Variants in BMP6 observed in about 807,000 individuals in gnomAD.
BMP6 encodes the protein VG-1-R.
In BMP6, 17 loss-of-function variants were observed where a neutral mutation model predicts 54.1. The ratio of observed to expected loss-of-function variants is 0.31; its 90% confidence interval spans 0.22 to 0.47. BMP6 has a LOEUF of 0.47. Among genes scored for constraint, BMP6 ranks in the 20% least tolerant of loss-of-function variants. BMP6 has a pLI of 1.00. For missense variants in BMP6, 720 were observed against 690.4 expected, an observed-to-expected ratio of 1.04 and a Z score of -0.48; for synonymous variants, 328 against 291.2, an observed-to-expected ratio of 1.13 and a Z score of -1.28.
At chr6:7,749,765 T>A (rs1412128907) in intron 1 of BMP6, among the ~76,000 whole-genome samples, 1 of 152,210 alleles carries the variant, frequency 6.6e-6, no homozygotes, top group Non-Finnish European at 1.5e-5. Context: ...ACTACCAGGT[T>A]TGACTTGACA....
At chr6:7,870,500 G>T (rs964872100) in intron 4 of BMP6, among the ~76,000 whole-genome samples, 4 of 152,196 alleles carry the variant, frequency 2.6e-5, no homozygotes, top group African/African-American at 9.7e-5. Context: ...GCCCAACTCT[G>T]TTCTCCTTCT....
At chr6:7,844,572 A>T (rs1759029979) in intron 1 of BMP6, among the ~76,000 whole-genome samples, 2 of 152,050 alleles carry the variant, frequency 1.3e-5, no homozygotes, top group African/African-American at 4.8e-5. Context: ...AAGACCCTTT[A>T]CACTTCAGGC....
At chr6:7,780,288 A>G (rs1198408602) in intron 1 of BMP6, among the ~76,000 whole-genome samples, 1 of 151,942 alleles carries the variant, frequency 6.6e-6, no homozygotes, top group Non-Finnish European at 1.5e-5. Context: ...TGGCTCATGC[A>G]TGTAATCCCA....
intron 1 of BMP6, among the ~76,000 whole-genome samples, chr6:7,774,741 C>G (rs966218591): frequency 6.6e-6 from 1 of 152,218 alleles, no homozygotes; most frequent in Admixed American, 6.5e-5. Flanking sequence ...TTTCCTGGAC[C>G]CTCAGCTTTC....
intron 2 of BMP6, among the ~76,000 whole-genome samples, chr6:7,858,509 C>A (rs1759283324): frequency 6.6e-6 from 1 of 152,130 alleles, no homozygotes; most frequent in Non-Finnish European, 1.5e-5. Flanking sequence ...AGCCCTTGGA[C>A]AGTACTTTCA....
chr6:7,851,315 A>G (rs1416186187), intron 2 of BMP6, among the ~76,000 whole-genome samples: 1 of 152,122 alleles, frequency 6.6e-6, no homozygotes, highest in African/African-American at 2.4e-5. Context: ...TGTCTTGAAC[A>G]TTTTTATTAG....
intron 4 of BMP6, among the ~76,000 whole-genome samples, chr6:7,877,993 T>C (rs530665691): frequency 1.3e-5 from 2 of 152,260 alleles, no homozygotes; most frequent in South Asian, 4.1e-4. Context: ...GTCCGAAGCA[T>C]TGTGGTTGGC....
At chr6:7,763,203 A>G (rs140308278) in intron 1 of BMP6, among the ~76,000 whole-genome samples, 161 of 152,318 alleles carry the variant, frequency 1.1e-3, no homozygotes, top group African/African-American at 3.8e-3. Context: ...TTCAGCCTCC[A>G]CTGTCTGCAG....
intron 1 of BMP6, among the ~76,000 whole-genome samples, chr6:7,755,536 CCT>C (rs1383751779): frequency 2.0e-5 from 3 of 151,828 alleles, no homozygotes; most frequent in East Asian, 1.9e-4. Flanking sequence ...CCCATAATAC[CCT>C]GTTAGTGTTT....
intron 1 of BMP6, among the ~76,000 whole-genome samples, chr6:7,805,844 A>G (rs918522257): frequency 4.6e-5 from 7 of 152,246 alleles, no homozygotes; most frequent in African/African-American, 1.7e-4. Flanking sequence ...TAAATATGCC[A>G]TGATTTGAAA....
In BMP6 at chr6:7,881,545, G is replaced by GT. The variant is rs1200822454; in HGVS notation, c.*1203dup. 1 of 152,272 alleles carries GT rather than the reference G, an allele frequency of 6.6e-6. No individual in the cohort carries two copies. The highest frequency in any genetic ancestry group is 2.4e-5 in the African/African-American group (1 of 41,404). The allele number at this position is 152,272 out of a possible 1,614,324, so 9.4% of individuals were successfully genotyped here. A position where few individuals can be genotyped will look rare whatever the true frequency, so the allele number is the denominator to read the frequency against. On this transcript the variant is annotated 3_prime_UTR_variant, in exon 7 of 7. Coordinates refer to ENST00000283147, the MANE Select transcript of BMP6 (RefSeq NM_001718.6). ...TAAAAAAAAAGAGTTTATTTAGAAA[G>GT]TATCATAGTGTAAACAAACAAATTG...
chr6:7,771,011 C>T (rs750326193), intron 1 of BMP6, among the ~76,000 whole-genome samples: 1 of 152,158 alleles, frequency 6.6e-6, no homozygotes, highest in Non-Finnish European at 1.5e-5. Context: ...TTGTCAATTC[C>T]TTGGCTCGTT....
At chr6:7,778,795 C>T (rs1453317125) in intron 1 of BMP6, among the ~76,000 whole-genome samples, 1 of 152,212 alleles carries the variant, frequency 6.6e-6, no homozygotes, top group Non-Finnish European at 1.5e-5. Flanking sequence ...CAGACACCAC[C>T]TTTCTGCCAT....
intron 1 of BMP6, among the ~76,000 whole-genome samples, chr6:7,767,763 G>A (rs1429782825): frequency 1.3e-5 from 2 of 152,148 alleles, no homozygotes; most frequent in Non-Finnish European, 2.9e-5. Flanking sequence ...TGCTTTTGGT[G>A]CTTGCTGTGT....
chr6:7,877,907 C>T (rs1029221263), intron 4 of BMP6, among the ~76,000 whole-genome samples: 7 of 152,200 alleles, frequency 4.6e-5, no homozygotes, highest in Admixed American at 1.3e-4. Flanking sequence ...TGGATTAATC[C>T]TTTCGAATCA....
At chr6:7,758,799 C>T (rs1424005499) in intron 1 of BMP6, among the ~76,000 whole-genome samples, 17 of 152,058 alleles carry the variant, frequency 1.1e-4, no homozygotes, top group Admixed American at 1.1e-3. Flanking sequence ...TCTCTCCACC[C>T]CCTTCCACAT....
rs377680331 is a variant in BMP6, at chr6:7,862,560, T to C, written c.1204+62T>C. The C allele has an allele frequency of 3.8e-6, 6 of 1,592,328 alleles. No individual in the cohort carries two copies. The African/African-American group carries it at 5.4e-5, about 14-fold the overall frequency. On this transcript the variant is annotated intron_variant, in intron 4 of 6. Transcript: ENST00000283147. ...TGTTGGCCTCAGTGAGAACAAAAGT[T>C]GTGTCCACAGTCTCAGATGTCGGGC... is the stretch of plus-strand genomic sequence containing the variant.
intron 1 of BMP6, among the ~76,000 whole-genome samples, chr6:7,735,146 C>CT (rs1761933585): frequency 6.6e-6 from 1 of 152,270 alleles, no homozygotes; most frequent in Non-Finnish European, 1.5e-5. Flanking sequence ...CCGCTCCACC[C>CT]TGACCTCCGA....
At chr6:7,869,603 T>C (rs958875082) in intron 4 of BMP6, among the ~76,000 whole-genome samples, 8 of 152,172 alleles carry the variant, frequency 5.3e-5, no homozygotes, top group Non-Finnish European at 1.2e-4. Context: ...TCAGTTTGCC[T>C]TGGGACGATT....
Sources: allele counts gnomAD v4.1 joint callset (sites outside exome capture counted in the v4.1 genomes callset), GRCh38; gene constraint gnomAD v4.1.1; transcripts MANE v1.5; gene names NCBI Gene and HGNC (gene_info 2026-07-23, HGNC 2026-07-21).